CEMIP2: variants seen among roughly 807,000 people sequenced by gnomAD.
The protein encoded by CEMIP2 is cell migration inducing hyaluronidase 2.
In CEMIP2, 79 loss-of-function variants were observed where a neutral mutation model predicts 146.9. The ratio of observed to expected loss-of-function variants is 0.54; its 90% CI spans 0.45 to 0.65. The LOEUF (loss-of-function observed/expected upper bound fraction) is 0.65, where lower values mean the gene tolerates loss of function less well. Among genes scored for constraint, CEMIP2 ranks in the 30% least tolerant of loss-of-function variants. The probability of loss-of-function intolerance (pLI) is 0.00; values close to 1 mark genes in which losing one functional copy is unlikely to be tolerated. For synonymous variants in CEMIP2, 601 were observed against 606.3 expected, an observed-to-expected ratio of 0.99 and a Z score of 0.13; for missense variants, 1,596 against 1,696.2, an observed-to-expected ratio of 0.94 and a Z score of 1.04.
intron 17 of CEMIP2, among the ~76,000 whole-genome samples, chr9:71,707,648 G>A (rs1039541896): frequency 7.9e-5 from 12 of 152,174 alleles, no homozygotes. Context: ...GCGGGAGCCC[G>A]AAAACACACC....
chr9:71,737,408 A>C (rs1823794727), intron 5 of CEMIP2, among the ~76,000 whole-genome samples: 1 of 143,748 alleles, frequency 7.0e-6, no homozygotes, highest in Non-Finnish European at 1.5e-5. Context: ...ACTCCGTCTC[A>C]AAAAAAAAAA....
Position 71,745,013 on chromosome 9 carries a change from C to T in CEMIP2, c.1034+5G>A. On this transcript the variant is annotated splice_donor_5th_base_variant and intron_variant, in intron 4 of 23. Transcript: ENST00000377044. ...GATAGGGATCTGGGAAGAAGGTATG[C>T]CTACCTGTAGCCCAGTCCTTGGATC... is the stretch of plus-strand genomic sequence containing the variant. 2 of 1,610,836 alleles carry T rather than the reference C, an allele frequency of 1.2e-6. No individual in the cohort carries two copies. The highest frequency in any genetic ancestry group is 1.7e-6 in the Non-Finnish European group (2 of 1,178,518).
chr9:71,731,403 T>A (rs1589151828), intron 7 of CEMIP2, among the ~76,000 whole-genome samples: 1 of 152,204 alleles, frequency 6.6e-6, no homozygotes, highest in African/African-American at 2.4e-5. Context: ...TCAATCGTAT[T>A]ACTAACAACA....
At position 71,698,329 on chromosome 9, in the gene CEMIP2, T is replaced by C. The variant is rs1042182144; in HGVS notation, c.3378-125A>G. 25 of 760,660 alleles carry C rather than the reference T, an allele frequency of 3.3e-5. No homozygotes were observed. The Admixed American group carries it at 4.4e-4, about 14-fold the overall frequency. 47.1% of individuals were successfully genotyped at this position (760,660 alleles called of 1,614,324 possible). A position where few individuals can be genotyped will look rare whatever the true frequency, so the allele number is the denominator to read the frequency against. On this transcript the variant is annotated intron_variant, in intron 19 of 23. Coordinates refer to ENST00000377044, the MANE Select transcript of CEMIP2 (RefSeq NM_013390.3). ...TAGTAACTTTTCCTTAAAACATAAA[T>C]TACAAAATGAATAGTTATTTCTGTT...
At chr9:71,701,819 G>T (rs1822570380) in intron 18 of CEMIP2, among the ~76,000 whole-genome samples, 1 of 151,848 alleles carries the variant, frequency 6.6e-6, no homozygotes, top group Admixed American at 6.5e-5. Context: ...ATATACCTAG[G>T]ATAAAATTTA....
At chr9:71,697,423 A>C (rs1455860559) in intron 20 of CEMIP2, among the ~76,000 whole-genome samples, 4 of 152,188 alleles carry the variant, frequency 2.6e-5, no homozygotes, top group South Asian at 2.1e-4. Context: ...ATGTTAGAAG[A>C]AGCATTTGCA....
At chr9:71,707,186 G>A (rs373845871) in intron 17 of CEMIP2, among the ~76,000 whole-genome samples, 3 of 152,146 alleles carry the variant, frequency 2.0e-5, no homozygotes, top group Non-Finnish European at 4.4e-5. Context: ...CCTAGGCATT[G>A]ATGGGTAAAC....
chr9:71,722,668 A>C (rs1823270697), intron 11 of CEMIP2, among the ~76,000 whole-genome samples, 153 bp from the exon 12 acceptor site: 1 of 148,310 alleles, frequency 6.7e-6, no homozygotes. Flanking sequence ...AAAAAAAAAA[A>C]CAGCTACTTT....
chr9:71,702,855 T>A (rs972912196), intron 18 of CEMIP2, among the ~76,000 whole-genome samples: 2 of 152,230 alleles, frequency 1.3e-5, no homozygotes, highest in African/African-American at 4.8e-5. Context: ...AAAATGTCTT[T>A]ACTTGCTCAG....
intron 8 of CEMIP2, 30 bp downstream of exon 8, chr9:71,730,675 T>C (rs1823588872): frequency 5.0e-6 from 8 of 1,605,526 alleles, no homozygotes; most frequent in Non-Finnish European, 5.1e-6. Flanking sequence ...ATTTCAATAA[T>C]ATGGGTTGAC....
intron 4 of CEMIP2, among the ~76,000 whole-genome samples, chr9:71,741,185 ATTTTTTTTTT>A (rs79872255): frequency 5.5e-5 from 4 of 72,206 alleles, no homozygotes; most frequent in Admixed American, 1.8e-4. Flanking sequence ...ACTGAGTTAG[ATTTTTTTTTT>A]TTTTTTTTTT....
chr9:71,715,936 T>C (rs1823045190), intron 14 of CEMIP2, among the ~76,000 whole-genome samples: 1 of 134,960 alleles, frequency 7.4e-6, no homozygotes, highest in South Asian at 2.4e-4. Flanking sequence ...CTCATATGAA[T>C]TAATAAATGA....
chr9:71,728,944 C>T (rs1405021905), intron 10 of CEMIP2, among the ~76,000 whole-genome samples: 2 of 152,044 alleles, frequency 1.3e-5, no homozygotes, highest in Non-Finnish European at 2.9e-5. Flanking sequence ...TATCCTCCCA[C>T]CCCAGCCTCC....
intron 20 of CEMIP2, among the ~76,000 whole-genome samples, chr9:71,696,780 A>T (rs778875886): frequency 6.6e-6 from 1 of 152,090 alleles, no homozygotes; most frequent in Non-Finnish European, 1.5e-5. Context: ...AACAACAACA[A>T]CAAAAAGCAA....
chr9:71,752,399 A>G (rs533934425), intron 1 of CEMIP2, among the ~76,000 whole-genome samples: 1 of 38,586 alleles, frequency 2.6e-5, no homozygotes, highest in Admixed American at 3.1e-4. Context: ...AAGAGCAATT[A>G]TAAGTTTTTG....
Position 71,692,859 on chromosome 9 carries a change from G to A in CEMIP2, c.3696+1650C>T, listed in dbSNP as rs149277977. 4.7e-4 allele frequency among the ~76,000 whole-genome samples: 71 copies of A among 152,164 alleles called. 1 individual carries two copies. Among genetic ancestry groups the A allele is most frequent in the African/African-American group, 1.6e-3 (66 of 41,490 alleles). On this transcript the variant is annotated intron_variant, in intron 21 of 23. Transcript: ENST00000377044. Reference sequence around the variant, plus strand: ...GGAGGGTGCGGTGAGCCGAGATTGCGCCACTGCACTCTGGCCTGGGTGAAG... The same window carrying A: ...GGAGGGTGCGGTGAGCCGAGATTGCACCACTGCACTCTGGCCTGGGTGAAG...
intron 20 of CEMIP2, among the ~76,000 whole-genome samples, chr9:71,695,206 C>G (rs969820450): frequency 3.3e-5 from 5 of 152,144 alleles, no homozygotes; most frequent in African/African-American, 4.8e-5. Flanking sequence ...TGATGCTGTT[C>G]CCTTCCCAGG....
chr9:71,749,176 G>A (rs2132016782), intron 2 of CEMIP2, among the ~76,000 whole-genome samples: 1 of 152,146 alleles, frequency 6.6e-6, no homozygotes, highest in East Asian at 1.9e-4. Context: ...AAATCTCCCT[G>A]CATAATATTT....
intron 5 of CEMIP2, among the ~76,000 whole-genome samples, chr9:71,736,462 T>C (rs1464136584): frequency 1.3e-5 from 2 of 152,188 alleles, no homozygotes; most frequent in Non-Finnish European, 2.9e-5. Context: ...ACCAGTATGA[T>C]CTGCAATGTA....
Sources: allele counts gnomAD v4.1 joint callset (sites outside exome capture counted in the v4.1 genomes callset), GRCh38; gene constraint gnomAD v4.1.1; transcripts MANE v1.5; gene names NCBI Gene and HGNC (gene_info 2026-07-23, HGNC 2026-07-21).